The following DYM variants were observed in gnomAD, a reference collection of about 807,000 sequenced individuals.
DYM encodes the protein dyggve-Melchior-Clausen syndrome protein.
DYM carries 78 observed loss-of-function variants against 93.1 expected under a neutral mutation model. The observed-to-expected ratio is 0.84, with a 90% CI of 0.70 to 1.01. The LOEUF (loss-of-function observed/expected upper bound fraction) is 1.01. Ranked by LOEUF, DYM falls within the 50% of genes least tolerant of loss-of-function variation. The pLI, the probability that DYM is intolerant of heterozygous loss-of-function variation, is 0.00. For synonymous variants in DYM, 321 were observed against 319.7 expected (o/e 1.00, Z -0.04); for missense variants, 789 against 845.0 (o/e 0.93, Z 0.82).
At chr18:49,121,633 G>C (rs1466484643) in intron 15 of DYM, among the ~76,000 whole-genome samples, 1 of 151,920 alleles carries the variant, frequency 6.6e-6, no homozygotes, top group East Asian at 1.9e-4. Context: ...AATTATTAAA[G>C]ACCAAGACAA....
chr18:49,280,244 A>T (rs1326035322), intron 10 of DYM, among the ~76,000 whole-genome samples: 1 of 152,198 alleles, frequency 6.6e-6, no homozygotes, highest in Non-Finnish European at 1.5e-5. Flanking sequence ...CTATGAACAA[A>T]AATTTGAGAA....
Position 49,180,106 on chromosome 18 carries a change from G to A in DYM, c.1626-16319C>T, listed in dbSNP as rs988973491. On this transcript the variant is annotated intron_variant, in intron 14 of 17. Coordinates refer to ENST00000675505, the MANE Select transcript of DYM (RefSeq NM_001353214.3). ...TCTAGTCTGATAACAATGCTAGTTA[G>A]ATAGAAACAAACAGTCCCAGATTAA... Among the ~76,000 whole-genome samples, 6 of 152,048 alleles carry A rather than the reference G, an allele frequency of 3.9e-5. No individual in the cohort carries two copies. The South Asian group carries it at 6.2e-4, about 16-fold the overall frequency.
intron 2 of DYM, among the ~76,000 whole-genome samples, chr18:49,392,411 A>C (rs1272691971): frequency 1.3e-5 from 2 of 152,168 alleles, no homozygotes; most frequent in Non-Finnish European, 2.9e-5. Context: ...TGAAAAGTCA[A>C]CCCACAGAAT....
intron 11 of DYM, among the ~76,000 whole-genome samples, chr18:49,263,251 T>C (rs1055617061): frequency 4.6e-5 from 7 of 151,820 alleles, no homozygotes; most frequent in African/African-American, 1.7e-4. Flanking sequence ...CCTGAGTAGC[T>C]GGGATTACAG....
chr18:49,382,212 G>A (rs959763301), intron 3 of DYM, among the ~76,000 whole-genome samples: 4 of 152,090 alleles, frequency 2.6e-5, no homozygotes, highest in East Asian at 1.9e-4. Context: ...TTAAAGCGCC[G>A]TGTACCTTCT....
chr18:49,277,483 C>T (rs1458480181), intron 10 of DYM, among the ~76,000 whole-genome samples: 2 of 152,078 alleles, frequency 1.3e-5, no homozygotes, highest in Admixed American at 1.3e-4. Flanking sequence ...CACGTTTGGG[C>T]CCCCAAAATT....
Position 49,258,847 on chromosome 18 carries a change from G to GAGAGAGAGAGATAGCAC in DYM, c.1252-355_1252-354insGTGCTATCTCTCTCTCT, listed in dbSNP as rs1555664187. 2.4e-3 allele frequency among the ~76,000 whole-genome samples: 135 copies of GAGAGAGAGAGATAGCAC among 57,054 alleles called. 1 individual carries two copies. The highest frequency in any genetic ancestry group is 0.01 in the African/African-American group (116 of 11,426). The allele number at this position is 57,054 out of a possible 152,430, so 37.4% of individuals were successfully genotyped here. ...AGAGACACACACACACACAGAGAGA[G>GAGAGAGAGAGATAGCAC]AGAGAGAGAGAGAGAGAGAGAGAGA... is the stretch of plus-strand genomic sequence containing the variant. On this transcript the variant is annotated intron_variant, in intron 11 of 17. Coordinates refer to ENST00000675505, the MANE Select transcript of DYM (RefSeq NM_001353214.3).
chr18:49,408,433 T>C (rs2071783272), intron 2 of DYM, among the ~76,000 whole-genome samples: 1 of 152,204 alleles, frequency 6.6e-6, no homozygotes, highest in Non-Finnish European at 1.5e-5. Flanking sequence ...GTCCTTAACA[T>C]AAATCTGGAA....
chr18:49,268,241 A>G (rs888310073), intron 11 of DYM, among the ~76,000 whole-genome samples: 3 of 152,186 alleles, frequency 2.0e-5, no homozygotes, highest in African/African-American at 7.2e-5. Flanking sequence ...AAACTTGGTA[A>G]AACATTTGAA....
chr18:49,071,096 G>C (rs1054634500), intron 17 of DYM, among the ~76,000 whole-genome samples: 30 of 152,190 alleles, frequency 2.0e-4, no homozygotes, highest in Admixed American at 1.0e-3. Context: ...GATCACCAAA[G>C]ATGAAGGCAA....
At chr18:49,371,549 C>T (rs1229687452) in intron 5 of DYM, among the ~76,000 whole-genome samples, 1 of 152,056 alleles carries the variant, frequency 6.6e-6, no homozygotes, top group African/African-American at 2.4e-5. Context: ...CAAAAACAAA[C>T]AGCAGATTTA....
chr18:49,439,692 C>T (rs1289777805), intron 1 of DYM, among the ~76,000 whole-genome samples: 1 of 152,122 alleles, frequency 6.6e-6, no homozygotes, highest in Non-Finnish European at 1.5e-5. Context: ...ACCCATCAAA[C>T]TAGTAAACAT....
intron 9 of DYM, among the ~76,000 whole-genome samples, chr18:49,282,674 G>T (rs2095019961): frequency 6.6e-6 from 1 of 152,130 alleles, no homozygotes; most frequent in African/African-American, 2.4e-5. Context: ...CTTTGACTTT[G>T]TTACTATTTT....
intron 10 of DYM, 102 bp from the exon 11 acceptor site, chr18:49,272,405 G>T: frequency 1.2e-6 from 1 of 828,132 alleles, no homozygotes; most frequent in South Asian, 1.7e-5. Flanking sequence ...TTTAATATCA[G>T]TTATATTTTT....
intron 17 of DYM, among the ~76,000 whole-genome samples, chr18:49,090,942 C>CAT (rs1263861247): frequency 7.2e-5 from 11 of 152,118 alleles, no homozygotes; most frequent in Non-Finnish European, 1.5e-4. Flanking sequence ...TATAAGAATG[C>CAT]ATAAATGTGG....
At chr18:49,326,264 CAATT>C (rs1256737367) in intron 8 of DYM, among the ~76,000 whole-genome samples, 1 of 152,026 alleles carries the variant, frequency 6.6e-6, no homozygotes, top group African/African-American at 2.4e-5. Context: ...AGTAATATAT[CAATT>C]AATTCTTTTT....
At chr18:49,268,616 G>C (rs767499150) in intron 11 of DYM, among the ~76,000 whole-genome samples, 10 of 152,100 alleles carry the variant, frequency 6.6e-5, no homozygotes, top group Non-Finnish European at 1.0e-4. Flanking sequence ...AAAGTTTTTT[G>C]TGTGGTTACA....
intron 17 of DYM, chr18:49,048,406 G>A (rs1428232309): frequency 1.3e-5 from 2 of 152,178 alleles, no homozygotes; most frequent in Non-Finnish European, 2.9e-5. Flanking sequence ...CTTACATTTC[G>A]ATGTGGTAAT....
intron 15 of DYM, among the ~76,000 whole-genome samples, chr18:49,119,981 AG>A (rs1338527244): frequency 7.0e-6 from 1 of 142,644 alleles, no homozygotes; most frequent in Non-Finnish European, 1.5e-5. Context: ...TGGGAGGCTG[AG>A]GGGGGAGGAT....
Sources: gnomAD v4.1 joint callset for allele counts (sites outside exome capture counted in the v4.1 genomes callset) on GRCh38, gnomAD v4.1.1 for gene constraint, MANE v1.5 for transcripts, NCBI Gene and HGNC (gene_info 2026-07-23, HGNC 2026-07-21) for gene names.